Variants in CDC73 observed in about 807,000 individuals in gnomAD.
CDC73 encodes the protein cell division cycle 73.
In CDC73, 21 loss-of-function variants were observed where a neutral mutation model predicts 83.7. The observed-to-expected ratio is 0.25, with a 90% CI of 0.18 to 0.36. The LOEUF (loss-of-function observed/expected upper bound fraction) is 0.36, where lower values mean the gene tolerates loss of function less well. Ranked by LOEUF, CDC73 falls within the 10% of genes least tolerant of loss-of-function variation. CDC73 has a pLI of 1.00. For missense variants in CDC73, 342 were observed against 653.3 expected (o/e 0.52, Z 5.19); for synonymous variants, 224 against 212.9 (o/e 1.05, Z -0.45).
intron 14 of CDC73, among the ~76,000 whole-genome samples, chr1:193,235,496 G>GAATTT (rs1677741399): frequency 1.3e-5 from 2 of 152,028 alleles, no homozygotes; most frequent in Non-Finnish European, 2.9e-5. Context: ...TTGTTGTTTT[G>GAATTT]TTCCCACCGC....
At chr1:193,189,337 C>G (rs1185257906) in intron 10 of CDC73, among the ~76,000 whole-genome samples, 1 of 152,070 alleles carries the variant, frequency 6.6e-6, no homozygotes, top group Non-Finnish European at 1.5e-5. Flanking sequence ...GATAAAAGTT[C>G]CTTTAGTAAC....
Position 193,250,786 on chromosome 1 carries a change from A to G in CDC73, c.*74A>G, listed in dbSNP as rs1226955411. On this transcript the variant is annotated 3_prime_UTR_variant, in exon 17 of 17. Transcript: ENST00000367435. Reference sequence around the variant, plus strand: ...TTTATCAAGAACTTAAAAATGAAGAAGGTCACAGATTGATCTTTTATAAGA... The same window carrying G: ...TTTATCAAGAACTTAAAAATGAAGAGGGTCACAGATTGATCTTTTATAAGA... 5.5e-6 allele frequency: 7 copies of G among 1,279,380 alleles called. No homozygotes were observed. The highest frequency in any genetic ancestry group is 8.0e-6 in the Non-Finnish European group (7 of 878,154). The allele number at this position is 1,279,380 out of a possible 1,614,324, so 79.3% of individuals were successfully genotyped here.
chr1:193,201,738 GT>G (rs890395660), intron 10 of CDC73, among the ~76,000 whole-genome samples: 6 of 150,952 alleles, frequency 4.0e-5, no homozygotes, highest in Non-Finnish European at 5.9e-5. Flanking sequence ...AGTGGAAAAG[GT>G]TTTTTTTTCC....
At chr1:193,165,635 C>T (rs1158857249) in intron 10 of CDC73, among the ~76,000 whole-genome samples, 1 of 152,180 alleles carries the variant, frequency 6.6e-6, no homozygotes, top group Non-Finnish European at 1.5e-5. Context: ...ATTGTATTTA[C>T]ATAAAATGTA....
chr1:193,169,974 G>A (rs1407448639), intron 10 of CDC73, among the ~76,000 whole-genome samples: 4 of 152,002 alleles, frequency 2.6e-5, no homozygotes, highest in Admixed American at 1.3e-4. Context: ...ACAGGCCCCA[G>A]TATGTGTGAT....
intron 8 of CDC73, among the ~76,000 whole-genome samples, chr1:193,148,324 T>C (rs978279647): frequency 6.6e-6 from 1 of 152,196 alleles, no homozygotes; most frequent in Non-Finnish European, 1.5e-5. Flanking sequence ...TTTGGGGTTC[T>C]TTTTGGCATT....
intron 2 of CDC73, among the ~76,000 whole-genome samples, chr1:193,128,302 A>AT (rs1359845380): frequency 2.7e-5 from 4 of 150,710 alleles, no homozygotes; most frequent in East Asian, 2.0e-4. Flanking sequence ...TTTATTTTTT[A>AT]TTTTTTTTTG....
At chr1:193,169,187 G>C (rs768469639) in intron 10 of CDC73, among the ~76,000 whole-genome samples, 13 of 152,132 alleles carry the variant, frequency 8.5e-5, no homozygotes, top group Non-Finnish European at 1.6e-4. Context: ...TAAGAAGGAT[G>C]CTATTTAAAC....
intron 6 of CDC73, among the ~76,000 whole-genome samples, chr1:193,141,544 T>C (rs1675906805): frequency 6.6e-6 from 1 of 152,158 alleles, no homozygotes; most frequent in Admixed American, 6.5e-5. Context: ...ACAGAAAATA[T>C]AAAGAAAAGC....
chr1:193,161,627 GATAT>G (rs766233430), intron 10 of CDC73, among the ~76,000 whole-genome samples: 103 of 40,380 alleles, frequency 2.6e-3, no homozygotes, highest in South Asian at 3.3e-3. Flanking sequence ...TTATATGATA[GATAT>G]ATAATATATT....
chr1:193,220,733 A>G (rs746533855), intron 13 of CDC73, among the ~76,000 whole-genome samples: 2 of 152,170 alleles, frequency 1.3e-5, no homozygotes, highest in South Asian at 4.1e-4. Context: ...TGTGGCTTTT[A>G]TAGTAAAGTT....
intron 13 of CDC73, among the ~76,000 whole-genome samples, chr1:193,215,069 C>G (rs1677342176): frequency 6.6e-6 from 1 of 152,176 alleles, no homozygotes; most frequent in Admixed American, 6.5e-5. Context: ...GTGTAAAACT[C>G]AGTTTCAATG....
intron 10 of CDC73, among the ~76,000 whole-genome samples, chr1:193,162,830 G>A (rs1676362950): frequency 6.6e-6 from 1 of 151,934 alleles, no homozygotes; most frequent in Admixed American, 6.6e-5. Context: ...TGTCATTTCT[G>A]TCTTATGTGT....
At chr1:193,219,422 C>T (rs1316313485) in intron 13 of CDC73, among the ~76,000 whole-genome samples, 1 of 152,082 alleles carries the variant, frequency 6.6e-6, no homozygotes, top group Non-Finnish European at 1.5e-5. Flanking sequence ...AATCTTTCTA[C>T]CAAAAAGACA....
intron 10 of CDC73, among the ~76,000 whole-genome samples, chr1:193,166,600 T>C (rs1676438314): frequency 6.6e-6 from 1 of 152,110 alleles, no homozygotes; most frequent in African/African-American, 2.4e-5. Flanking sequence ...CCACGGAAAT[T>C]ATGTAGGTGC....
chr1:193,181,373 A>C (rs1676713509), intron 10 of CDC73: 1 of 1,613,936 alleles, frequency 6.2e-7, no homozygotes, highest in Admixed American at 1.7e-5. Context: ...AATCCTCGGA[A>C]AGTGTATGTC....
intron 11 of CDC73, among the ~76,000 whole-genome samples, chr1:193,204,219 A>G (rs1387867204): frequency 7.0e-6 from 1 of 143,422 alleles, no homozygotes; most frequent in African/African-American, 2.6e-5. Context: ...ATATATATGT[A>G]TATATATGTA....
At chr1:193,228,877 C>G (rs1299190530) in intron 13 of CDC73, among the ~76,000 whole-genome samples, 1 of 151,930 alleles carries the variant, frequency 6.6e-6, no homozygotes, top group East Asian at 1.9e-4. Context: ...CTTTTCATTG[C>G]ACATTTGTAA....
At chr1:193,207,011 G>GC in intron 11 of CDC73, among the ~76,000 whole-genome samples, 1 of 152,268 alleles carries the variant, frequency 6.6e-6, no homozygotes, top group East Asian at 1.9e-4. Context: ...GGGGGAACCA[G>GC]CCCCCAATAT....
Sources: allele counts gnomAD v4.1 joint callset (sites outside exome capture counted in the v4.1 genomes callset), GRCh38; gene constraint gnomAD v4.1.1; transcripts MANE v1.5; gene names NCBI Gene and HGNC (gene_info 2026-07-23, HGNC 2026-07-21).